The following SPOCK1 variants were observed in gnomAD, a reference collection of about 807,000 sequenced individuals.
The protein encoded by SPOCK1 is SPARC (osteonectin), cwcv and kazal like domains proteoglycan 1, also known as testican-1.
In SPOCK1, 23 loss-of-function variants were observed where a neutral mutation model predicts 55.3. That is an observed-to-expected ratio of 0.42 (90% CI 0.30 to 0.59). SPOCK1 has a LOEUF of 0.59. Ranked by LOEUF, SPOCK1 falls within the 20% of genes least tolerant of loss-of-function variation. The pLI, the probability that SPOCK1 is intolerant of heterozygous loss-of-function variation, is 0.22. For synonymous variants in SPOCK1, 226 were observed against 221.0 expected (o/e 1.02, Z -0.20); for missense variants, 499 against 552.5 (o/e 0.90, Z 0.97).
At chr5:137,254,624 A>T (rs958919) in intron 3 of SPOCK1, among the ~76,000 whole-genome samples, 10,263 of 152,284 alleles carry the variant, frequency 0.067, 1,056 homozygotes, top group African/African-American at 0.23. Context: ...AGCATTTCCC[A>T]CCCGTGTAAA....
At chr5:137,235,019 G>T in intron 3 of SPOCK1, among the ~76,000 whole-genome samples, 1 of 152,192 alleles carries the variant, frequency 6.6e-6, no homozygotes, top group East Asian at 1.9e-4. Context: ...TACTGCTACG[G>T]AAGTGACAAA....
At chr5:137,374,682 A>G (rs1432196384) in intron 2 of SPOCK1, among the ~76,000 whole-genome samples, 1 of 152,156 alleles carries the variant, frequency 6.6e-6, no homozygotes, top group Non-Finnish European at 1.5e-5. Flanking sequence ...GGCGCTCACC[A>G]CACCATTTAT....
At chr5:137,242,383 A>C (rs1173826407) in intron 3 of SPOCK1, among the ~76,000 whole-genome samples, 2 of 152,198 alleles carry the variant, frequency 1.3e-5, no homozygotes, top group Admixed American at 1.3e-4. Flanking sequence ...GTAGTTCCCT[A>C]GCACACACTC....
chr5:137,081,332 T>C (rs1296697712), intron 5 of SPOCK1, among the ~76,000 whole-genome samples: 1 of 152,144 alleles, frequency 6.6e-6, no homozygotes, highest in Non-Finnish European at 1.5e-5. Flanking sequence ...ATTTTTAAAG[T>C]GATAGAGAGG....
intron 3 of SPOCK1, among the ~76,000 whole-genome samples, chr5:137,196,370 C>T (rs1411165521): frequency 6.6e-6 from 1 of 152,190 alleles, no homozygotes; most frequent in African/African-American, 2.4e-5. Flanking sequence ...CGGTGGGTTC[C>T]CATTGCTGCT....
intron 5 of SPOCK1, among the ~76,000 whole-genome samples, chr5:137,080,742 T>A (rs191971842): frequency 2.2e-4 from 34 of 152,060 alleles, no homozygotes; most frequent in African/African-American, 7.2e-4. Context: ...GCCACAACTA[T>A]CACCAAAGAA....
Position 137,099,513 on chromosome 5 carries a change from C to G in SPOCK1, c.474+12922G>C, listed in dbSNP as rs539669764. 9.9e-5 allele frequency among the ~76,000 whole-genome samples: 15 copies of G among 151,982 alleles called. No individual in the cohort carries two copies. The South Asian group carries it at 2.9e-3, about 30-fold the overall frequency. On this transcript the variant is annotated intron_variant, in intron 5 of 10. Transcript: ENST00000394945. The stretch of plus-strand genomic sequence containing the variant: ...TTTCTCTCTCTAACCAGAGTCCAAG[C>G]TGAAACAGGCAAGTGTTCTTTTGCC...
intron 2 of SPOCK1, among the ~76,000 whole-genome samples, chr5:137,269,025 G>A (rs1756911490): frequency 5.3e-5 from 1 of 18,762 alleles, no homozygotes; most frequent in Non-Finnish European, 1.1e-4. Context: ...TTTATAACTT[G>A]GATGGAATTT....
At chr5:137,068,515 T>G (rs141212689) in intron 5 of SPOCK1, among the ~76,000 whole-genome samples, 7 of 152,300 alleles carry the variant, frequency 4.6e-5, no homozygotes, top group African/African-American at 1.7e-4. Flanking sequence ...TCAGTAGCAA[T>G]GGTAATATTT....
chr5:136,998,028 G>A (rs1278618379), intron 6 of SPOCK1, among the ~76,000 whole-genome samples: 1 of 152,106 alleles, frequency 6.6e-6, no homozygotes, highest in African/African-American at 2.4e-5. Flanking sequence ...ATAAAGCTTA[G>A]CTCATAGCAT....
At chr5:137,177,684 G>A (rs566635355) in intron 3 of SPOCK1, among the ~76,000 whole-genome samples, 23 of 152,160 alleles carry the variant, frequency 1.5e-4, no homozygotes, top group South Asian at 4.2e-4. Context: ...GTATTCCTCC[G>A]CAAAAATGCT....
At chr5:137,481,213 T>A (rs1369441486) in intron 2 of SPOCK1, among the ~76,000 whole-genome samples, 2 of 152,154 alleles carry the variant, frequency 1.3e-5, no homozygotes, top group Non-Finnish European at 2.9e-5. Flanking sequence ...CTCTGACCTC[T>A]CCACTGGGAT....
chr5:137,410,822 A>T (rs975072365), intron 2 of SPOCK1, among the ~76,000 whole-genome samples: 2 of 152,216 alleles, frequency 1.3e-5, no homozygotes, highest in Admixed American at 1.3e-4. Context: ...CCCTCCAAGG[A>T]GGCCCAGATG....
At chr5:137,208,053 G>C (rs987533321) in intron 3 of SPOCK1, among the ~76,000 whole-genome samples, 1 of 152,032 alleles carries the variant, frequency 6.6e-6, no homozygotes, top group Admixed American at 6.6e-5. Flanking sequence ...ACCCACAAAA[G>C]AGCCAGCCTC....
chr5:137,401,558 C>CAA (rs34044799), intron 2 of SPOCK1, among the ~76,000 whole-genome samples: 21,958 of 100,302 alleles, frequency 0.22, 2,705 homozygotes, highest in Admixed American at 0.3. Context: ...CTCATCTCTA[C>CAA]AAAAAAAAAA....
intron 2 of SPOCK1, among the ~76,000 whole-genome samples, chr5:137,348,079 T>G (rs1284446486): frequency 6.6e-6 from 1 of 152,182 alleles, no homozygotes; most frequent in Non-Finnish European, 1.5e-5. Context: ...TGGACTTTGC[T>G]GCCCAGAGAC....
chr5:137,128,504 T>C (rs1348353285), intron 4 of SPOCK1, among the ~76,000 whole-genome samples: 1 of 152,238 alleles, frequency 6.6e-6, no homozygotes, highest in African/African-American at 2.4e-5. Context: ...GTACTGGTAC[T>C]AAGCTCACTG....
At chr5:137,225,059 T>C (rs1190954187) in intron 3 of SPOCK1, among the ~76,000 whole-genome samples, 1 of 152,030 alleles carries the variant, frequency 6.6e-6, no homozygotes, top group Non-Finnish European at 1.5e-5. Context: ...TCATGTTCAA[T>C]CTCTTTGCAG....
At chr5:137,390,168 A>C (rs995926869) in intron 2 of SPOCK1, among the ~76,000 whole-genome samples, 2 of 152,178 alleles carry the variant, frequency 1.3e-5, no homozygotes, top group Non-Finnish European at 2.9e-5. Context: ...TTTTCTATTT[A>C]ATAAAAAGGG....
Sources: allele counts gnomAD v4.1 joint callset (sites outside exome capture counted in the v4.1 genomes callset), GRCh38; gene constraint gnomAD v4.1.1; transcripts MANE v1.5; gene names NCBI Gene and HGNC (gene_info 2026-07-23, HGNC 2026-07-21).